The following DMXL2 variants were observed in gnomAD, a reference collection of about 807,000 sequenced individuals.
DMXL2 encodes dmX-like protein 2.
In DMXL2, 103 loss-of-function variants were observed where a neutral mutation model predicts 331.1. That is an observed-to-expected ratio of 0.31 (90% CI 0.27 to 0.37). The LOEUF (loss-of-function observed/expected upper bound fraction) is 0.37, where lower values mean the gene tolerates loss of function less well. DMXL2 is among the 10% of genes least tolerant of loss of function. The probability of loss-of-function intolerance (pLI) is 1.00; values close to 1 mark genes in which losing one functional copy is unlikely to be tolerated. For synonymous variants in DMXL2, 1,281 were observed against 1,252.1 expected, an observed-to-expected ratio of 1.02 and a Z score of -0.49; for missense variants, 3,171 against 3,642.9, an observed-to-expected ratio of 0.87 and a Z score of 3.33.
intron 14 of DMXL2, among the ~76,000 whole-genome samples, chr15:51,515,188 G>A (rs1567054542): frequency 6.6e-6 from 1 of 152,098 alleles, no homozygotes; most frequent in African/African-American, 2.4e-5. Flanking sequence ...TATGCTCCAT[G>A]ACCATGTTTT....
chr15:51,575,993 A>G, intron 2 of DMXL2, 63 bp downstream of exon 2: 1 of 1,473,678 alleles, frequency 6.8e-7, no homozygotes, highest in South Asian at 1.2e-5. Flanking sequence ...AAAGGATAAG[A>G]AGATTCTGAG....
In DMXL2 at chr15:51,514,507, C is replaced by A. The variant is rs1299389296; in HGVS notation, c.2579G>T (p.Gly860Val). Reference protein sequence around the residue: ...LHVFQEDFIIGYKPHKEDMEK... With the variant: ...LHVFQEDFIIVYKPHKEDMEK... ...CATATCTTCCTTATGTGGTTTATATCCTATAATGAAGTCTTCTTGAAACAC... is the reference window on the plus strand; with the variant it reads ...CATATCTTCCTTATGTGGTTTATATACTATAATGAAGTCTTCTTGAAACAC... Residue 860 changes from glycine to valine, a missense_variant, in exon 15 of 44, where the codon GGA becomes GTA. Around this residue, in one of 7 missense-constraint regions of DMXL2, gnomAD observed 1,674 missense variants for 1,780.2 expected, o/e 0.94. Transcript: ENST00000560891. 7.5e-6 allele frequency: 12 copies of A among 1,598,922 alleles called. No individual in the cohort carries two copies. The highest frequency in any genetic ancestry group is 1.0e-5 in the Non-Finnish European group (12 of 1,173,152).
chr15:51,471,408 G>A lies in DMXL2; in HGVS notation c.7214-7C>T. 1.3e-6 allele frequency: 2 copies of A among 1,566,626 alleles called. No homozygotes were observed. The highest frequency in any genetic ancestry group is 1.2e-5 in the South Asian group (1 of 83,404). ...TCAGAAAGGACAGGAGGTGCTAAATGAAGATAGAAGGAAAAAAAAATCTAG... is the reference window on the plus strand; with the variant it reads ...TCAGAAAGGACAGGAGGTGCTAAATAAAGATAGAAGGAAAAAAAAATCTAG... On this transcript the variant is annotated splice_polypyrimidine_tract_variant and splice_region_variant and intron_variant, in intron 28 of 43. Coordinates refer to ENST00000560891, the MANE Select transcript of DMXL2 (RefSeq NM_001378457.1).
intron 9 of DMXL2, among the ~76,000 whole-genome samples, chr15:51,541,368 GTAATCAATATGAAA>G (rs1177355999): frequency 2.6e-5 from 4 of 151,834 alleles, no homozygotes; most frequent in Non-Finnish European, 5.9e-5. Flanking sequence ...ATTTCAACAA[GTAATCAATATGAAA>G]TAAAATTATT....
chr15:51,592,166 G>C (rs546934331), intron 1 of DMXL2, among the ~76,000 whole-genome samples: 6 of 148,462 alleles, frequency 4.0e-5, no homozygotes, highest in Admixed American at 1.3e-4. Context: ...TAAAAACCTT[G>C]AAAAAAAAAA....
intron 1 of DMXL2, among the ~76,000 whole-genome samples, chr15:51,576,565 C>T (rs189021154): frequency 6.6e-6 from 1 of 152,072 alleles, no homozygotes; most frequent in East Asian, 2.0e-4. Context: ...AACTGTGTTC[C>T]CAGGGTTCAA....
At chr15:51,564,377 G>T in intron 4 of DMXL2, 117 bp from the exon 5 acceptor site, 1 of 742,328 alleles carries the variant, frequency 1.3e-6, no homozygotes, top group Non-Finnish European at 1.9e-6. Flanking sequence ...AAGCAATATC[G>T]CCAACGAAAA....
In DMXL2 at chr15:51,479,705, C is replaced by T. The variant is rs533435029; in HGVS notation, c.6756+243G>A. Among the ~76,000 whole-genome samples, 10 of 152,302 alleles carry T rather than the reference C, an allele frequency of 6.6e-5. No homozygotes were observed. In the South Asian group the frequency reaches 1.9e-3, roughly 28 times the overall value. ...AAAGGGATATTAAGTAGCAAGAATA[C>T]TGTCAAGAAAATTAGTTTTATTGCC... On this transcript the variant is annotated intron_variant, in intron 25 of 43. Transcript: ENST00000560891.
chr15:51,557,848 C>T (rs1298384779), intron 6 of DMXL2, among the ~76,000 whole-genome samples: 1 of 152,214 alleles, frequency 6.6e-6, no homozygotes, highest in Non-Finnish European at 1.5e-5. Context: ...TGACCTTCTT[C>T]AAATCACATC....
At chr15:51,485,815 T>A (rs1567014868) in intron 23 of DMXL2, among the ~76,000 whole-genome samples, 1 of 151,864 alleles carries the variant, frequency 6.6e-6, no homozygotes, top group African/African-American at 2.4e-5. Context: ...AATTTCCATT[T>A]AAAAAAAATG....
At chr15:51,530,587 TAA>T (rs550510463) in intron 13 of DMXL2, among the ~76,000 whole-genome samples, 22 of 120,138 alleles carry the variant, frequency 1.8e-4, no homozygotes, top group Admixed American at 2.5e-4. Context: ...CCATCTCTAC[TAA>T]AAAAAAAAAA....
At chr15:51,606,021 A>C (rs912645968) in intron 1 of DMXL2, among the ~76,000 whole-genome samples, 1 of 152,218 alleles carries the variant, frequency 6.6e-6, no homozygotes. Flanking sequence ...AGTGAGGGTA[A>C]AACTGAGCTG....
At chr15:51,465,536 A>G in intron 31 of DMXL2, 30 bp downstream of exon 31, 1 of 1,480,976 alleles carries the variant, frequency 6.8e-7, no homozygotes, top group Non-Finnish European at 9.3e-7. Flanking sequence ...ATTATACTTA[A>G]TAACATTAAT....
intron 3 of DMXL2, chr15:51,566,904 A>G (rs925045594): frequency 6.6e-6 from 1 of 152,168 alleles, no homozygotes; most frequent in African/African-American, 2.4e-5. Flanking sequence ...AGACAAATAT[A>G]ATATAGCACC....
chr15:51,538,531 A>T, intron 9 of DMXL2, 79 bp from the exon 10 acceptor site: 1 of 1,170,378 alleles, frequency 8.5e-7, no homozygotes, highest in Non-Finnish European at 1.2e-6. Flanking sequence ...TGACTAATCT[A>T]TATAAAGAAA....
At chr15:51,557,993 G>A (rs1047954189) in intron 6 of DMXL2, among the ~76,000 whole-genome samples, 3 of 152,188 alleles carry the variant, frequency 2.0e-5, no homozygotes, top group African/African-American at 7.2e-5. Context: ...AGATATAAAA[G>A]ATACTTTTGA....
chr15:51,480,569 G>A lies in DMXL2; in HGVS notation c.6537C>T (p.Leu2179=). The change falls in exon 24 of 44, where the codon CTC becomes CTT. Residue 2179 remains leucine (L), a synonymous_variant. Transcript: ENST00000560891. ...GTTGTGATTCTTGTAGCAAAAATTT[G>A]AGTTCCATCCTTACTGAAGCCAAAC... ...GGGLASVRME[L]KFLLQESQQE... 1 of 1,527,966 alleles carries A rather than the reference G, an allele frequency of 6.5e-7. No homozygotes were observed. 94.7% of individuals were successfully genotyped at this position (1,527,966 alleles called of 1,614,324 possible). A position where few individuals can be genotyped will look rare whatever the true frequency, so the allele number is the denominator to read the frequency against.
chr15:51,515,436 T>C (rs756377815), intron 14 of DMXL2, among the ~76,000 whole-genome samples: 6 of 152,146 alleles, frequency 3.9e-5, no homozygotes, highest in Middle Eastern at 3.4e-3. Context: ...AAAAGGATTA[T>C]AATATTAGGT....
At chr15:51,621,072 A>G (rs2054595571) in intron 1 of DMXL2, among the ~76,000 whole-genome samples, 1 of 145,836 alleles carries the variant, frequency 6.9e-6, no homozygotes, top group African/African-American at 2.5e-5. Context: ...ACTGGGGAAC[A>G]GGGAAATTTC....
Sources: gnomAD v4.1 joint callset for allele counts (sites outside exome capture counted in the v4.1 genomes callset) on GRCh38, gnomAD v4.1.1 for gene constraint, gnomAD v4.1.1 regional missense constraint, MANE v1.5 for transcripts, NCBI Gene and HGNC (gene_info 2026-07-23, HGNC 2026-07-21) for gene names.